The following CAMK2D variants were observed in gnomAD, a reference collection of about 807,000 sequenced individuals.
CAMK2D encodes the protein calcium/calmodulin dependent protein kinase II delta, also known as calcium/calmodulin-dependent protein kinase type II subunit delta.
Under a neutral mutation model 84.0 loss-of-function variants are expected in CAMK2D, and 37 were observed. The ratio of observed to expected loss-of-function variants is 0.44; its 90% confidence interval spans 0.34 to 0.58. The LOEUF is 0.58. Ranked by LOEUF, CAMK2D falls within the 20% of genes least tolerant of loss-of-function variation. CAMK2D has a pLI of 0.02. For synonymous variants in CAMK2D, 202 were observed against 212.5 expected, an observed-to-expected ratio of 0.95 and a Z score of 0.43; for missense variants, 448 against 652.5, an observed-to-expected ratio of 0.69 and a Z score of 3.41.
At chr4:113,638,384 G>A (rs976162164) in intron 3 of CAMK2D, among the ~76,000 whole-genome samples, 10 of 152,110 alleles carry the variant, frequency 6.6e-5, no homozygotes, top group African/African-American at 1.9e-4. Context: ...TGGAGAATAT[G>A]AGCCTGCGAA....
intron 2 of CAMK2D, among the ~76,000 whole-genome samples, chr4:113,712,657 GAATT>G (rs1465180743): frequency 6.6e-6 from 1 of 151,400 alleles, no homozygotes; most frequent in East Asian, 1.9e-4. Flanking sequence ...TGAATACTTT[GAATT>G]TTTTTTAATT....
chr4:113,719,294 C>T (rs1298043461), intron 2 of CAMK2D, among the ~76,000 whole-genome samples: 2 of 152,180 alleles, frequency 1.3e-5, no homozygotes, highest in African/African-American at 4.8e-5. Context: ...GCCAAATTCT[C>T]AAATAGGCCA....
intron 3 of CAMK2D, among the ~76,000 whole-genome samples, chr4:113,634,634 T>G (rs1315800990): frequency 6.6e-6 from 1 of 152,192 alleles, no homozygotes; most frequent in East Asian, 1.9e-4. Context: ...CCCTCAAAAT[T>G]GCATATGACA....
At chr4:113,580,264 GAT>G (rs2098801681) in intron 4 of CAMK2D, among the ~76,000 whole-genome samples, 1 of 152,130 alleles carries the variant, frequency 6.6e-6, no homozygotes, top group African/African-American at 2.4e-5. Flanking sequence ...TAACTTTTGG[GAT>G]ATTCTGTTAT....
chr4:113,598,228 C>A (rs1243105424), intron 4 of CAMK2D, among the ~76,000 whole-genome samples: 2 of 152,038 alleles, frequency 1.3e-5, no homozygotes, highest in African/African-American at 4.8e-5. Flanking sequence ...TATAGAAATA[C>A]ACTCTCATAA....
intron 4 of CAMK2D, among the ~76,000 whole-genome samples, chr4:113,590,492 T>C (rs1291489978): frequency 1.3e-5 from 2 of 152,160 alleles, no homozygotes; most frequent in African/African-American, 2.4e-5. Flanking sequence ...TGGATAATCA[T>C]GATTCAAGAT....
In CAMK2D at chr4:113,685,923, A is replaced by C. The variant is rs562196098; in HGVS notation, c.161-24151T>G. On this transcript the variant is annotated intron_variant, in intron 2 of 20. Transcript: ENST00000511664. ...CTACTAAAAATACAAAATTATCTGG[A>C]TGTGGTGGCGCATGCCTGTAATCCC... Among the ~76,000 whole-genome samples the C allele has an allele frequency of 2.0e-5, 3 of 152,006 alleles. No homozygotes were observed. In the East Asian group the frequency reaches 5.8e-4, roughly 30 times the overall value.
At chr4:113,646,467 G>A (rs1561573130) in intron 3 of CAMK2D, among the ~76,000 whole-genome samples, 1 of 152,200 alleles carries the variant, frequency 6.6e-6, no homozygotes, top group East Asian at 1.9e-4. Flanking sequence ...GGAGTGCTGG[G>A]TGGGGCATGG....
intron 16 of CAMK2D, among the ~76,000 whole-genome samples, chr4:113,493,618 G>A (rs957119558): frequency 6.6e-6 from 1 of 151,632 alleles, no homozygotes; most frequent in Non-Finnish European, 1.5e-5. Flanking sequence ...ACAATTATGT[G>A]TCTTGGAGTT....
rs372049384 is a variant in CAMK2D, at chr4:113,616,707, TAA to T, written c.221-7503_221-7502del. ...TTGAAAGAAAAACGTCATCAATGGC[TAA>T]ATATAGAAGCTCAGAGAAGACTAAA... On this transcript the variant is annotated intron_variant, in intron 3 of 20. Coordinates refer to ENST00000511664, the MANE Select transcript of CAMK2D (RefSeq NM_001321571.2). 1.5e-3 allele frequency among the ~76,000 whole-genome samples: 230 copies of T among 152,272 alleles called. 1 individual carries two copies. The highest frequency in any genetic ancestry group is 5.3e-3 in the African/African-American group (220 of 41,562).
At chr4:113,460,685 A>T (rs181994483) in intron 17 of CAMK2D, among the ~76,000 whole-genome samples, 119 of 151,176 alleles carry the variant, frequency 7.9e-4, no homozygotes, top group Middle Eastern at 3.4e-3. Context: ...TAATAATAAT[A>T]ATAATTATTA....
At chr4:113,654,288 T>C (rs2099189025) in intron 3 of CAMK2D, among the ~76,000 whole-genome samples, 1 of 152,016 alleles carries the variant, frequency 6.6e-6, no homozygotes, top group South Asian at 2.1e-4. Flanking sequence ...TTATTACTCA[T>C]AGGAATGGGA....
intron 3 of CAMK2D, among the ~76,000 whole-genome samples, chr4:113,635,731 C>T (rs1475805870): frequency 1.3e-5 from 2 of 152,156 alleles, no homozygotes; most frequent in African/African-American, 4.8e-5. Flanking sequence ...CCTGCTTATG[C>T]TTTCTAGTTG....
At chr4:113,462,286 G>A (rs865857195) in intron 17 of CAMK2D, among the ~76,000 whole-genome samples, 1 of 85,990 alleles carries the variant, frequency 1.2e-5, no homozygotes, top group Non-Finnish European at 2.5e-5. Flanking sequence ...GTGTGTGTGT[G>A]TGTGTGTGTC....
rs2097994197 is a variant in CAMK2D at position 113,499,281 on chromosome 4, C to T, written c.1135+1182G>A. Among the ~76,000 whole-genome samples the T allele has an allele frequency of 2.6e-5, 4 of 152,160 alleles. No individual in the cohort carries two copies. The South Asian group carries it at 8.3e-4, about 32-fold the overall frequency. On this transcript the variant is annotated intron_variant, in intron 16 of 20. Transcript: ENST00000511664. ...TAGACCTACTAAATAAAATTCTTGA[C>T]ACAGCTATCTACCTTTCCACTGTAA... is the stretch of plus-strand genomic sequence containing the variant.
intron 2 of CAMK2D, among the ~76,000 whole-genome samples, chr4:113,675,906 C>T (rs902620775): frequency 2.0e-5 from 3 of 152,192 alleles, no homozygotes; most frequent in Admixed American, 1.3e-4. Context: ...GTGATTATGA[C>T]ACAATTCCTA....
chr4:113,726,931 A>G (rs188682615), intron 2 of CAMK2D, among the ~76,000 whole-genome samples: 1 of 152,120 alleles, frequency 6.6e-6, no homozygotes, highest in African/African-American at 2.4e-5. Flanking sequence ...TAGCTCACTC[A>G]CTTTCACATG....
intron 16 of CAMK2D, among the ~76,000 whole-genome samples, chr4:113,479,309 C>T (rs921319030): frequency 2.6e-5 from 4 of 152,094 alleles, no homozygotes; most frequent in Admixed American, 2.0e-4. Context: ...TTCCTCTCAG[C>T]AGTGATAATC....
chr4:113,542,474 G>A (rs1447860743), intron 6 of CAMK2D, among the ~76,000 whole-genome samples: 1 of 152,096 alleles, frequency 6.6e-6, no homozygotes. Context: ...CCAGCACTTT[G>A]GGAGGCCGAG....
Sources: allele counts gnomAD v4.1 joint callset (sites outside exome capture counted in the v4.1 genomes callset), GRCh38; gene constraint gnomAD v4.1.1; transcripts MANE v1.5; gene names NCBI Gene and HGNC (gene_info 2026-07-23, HGNC 2026-07-21).